Variants in PTPRG observed in about 807,000 individuals in gnomAD.
PTPRG encodes protein tyrosine phosphatase receptor type G, also known as receptor-type tyrosine-protein phosphatase gamma.
Under a neutral mutation model 165.3 loss-of-function variants are expected in PTPRG, and 102 were observed. That is an observed-to-expected ratio of 0.62 (90% CI 0.53 to 0.73). The LOEUF (loss-of-function observed/expected upper bound fraction) is 0.73, where lower values mean the gene tolerates loss of function less well. PTPRG is among the 30% of genes least tolerant of loss of function. The probability of loss-of-function intolerance (pLI) is 0.00; values close to 1 mark genes in which losing one functional copy is unlikely to be tolerated. For synonymous variants in PTPRG, 675 were observed against 669.5 expected (o/e 1.01, Z -0.13); for missense variants, 1,866 against 1,861.4 (o/e 1.00, Z -0.05).
chr3:61,917,477 T>A (rs781034067), intron 2 of PTPRG, among the ~76,000 whole-genome samples: 10 of 152,178 alleles, frequency 6.6e-5, no homozygotes, highest in Non-Finnish European at 1.3e-4. Flanking sequence ...CCTACCTTAG[T>A]GTGAGCCATG....
intron 16 of PTPRG, among the ~76,000 whole-genome samples, chr3:62,259,484 C>T (rs1559717663): frequency 2.0e-5 from 3 of 152,130 alleles, no homozygotes; most frequent in African/African-American, 4.8e-5. Flanking sequence ...CATCCTGGGC[C>T]GCCTGTGGCC....
intron 4 of PTPRG, among the ~76,000 whole-genome samples, chr3:62,030,554 C>T (rs574384711): frequency 6.6e-6 from 1 of 152,230 alleles, no homozygotes; most frequent in Non-Finnish European, 1.5e-5. Context: ...AAGGGAATTA[C>T]ACTTTTACTG....
At chr3:61,693,044 TATTA>T (rs1210261130) in intron 1 of PTPRG, among the ~76,000 whole-genome samples, 1 of 152,166 alleles carries the variant, frequency 6.6e-6, no homozygotes, top group African/African-American at 2.4e-5. Flanking sequence ...AGAACTTTAT[TATTA>T]ATTGGTTGCT....
At chr3:62,241,549 C>T (rs1283119749) in intron 14 of PTPRG, among the ~76,000 whole-genome samples, 1 of 152,082 alleles carries the variant, frequency 6.6e-6, no homozygotes, top group Non-Finnish European at 1.5e-5. Flanking sequence ...TGATTTGCTT[C>T]AGTACACACT....
At chr3:62,283,911 A>G (rs1317482979) in intron 28 of PTPRG, among the ~76,000 whole-genome samples, 1 of 152,154 alleles carries the variant, frequency 6.6e-6, no homozygotes. Context: ...TTTGAAAAGC[A>G]TTACAGTTGA....
intron 1 of PTPRG, among the ~76,000 whole-genome samples, chr3:61,688,529 G>A (rs1328386212): frequency 6.6e-6 from 1 of 152,198 alleles, no homozygotes; most frequent in Non-Finnish European, 1.5e-5. Flanking sequence ...CGGCGGGGAA[G>A]GCTCTTCGCA....
intron 2 of PTPRG, among the ~76,000 whole-genome samples, chr3:61,896,208 C>T (rs919209585): frequency 1.3e-5 from 2 of 152,138 alleles, no homozygotes; most frequent in Admixed American, 6.5e-5. Context: ...ACCACGCCTA[C>T]CTCCTCCCTC....
chr3:61,729,011 G>A (rs1266798091), intron 1 of PTPRG, among the ~76,000 whole-genome samples: 2 of 151,922 alleles, frequency 1.3e-5, no homozygotes, highest in Non-Finnish European at 2.9e-5. Flanking sequence ...GCAGTGGGCC[G>A]AGATTGCACC....
chr3:62,120,264 A>C lies in PTPRG; in HGVS notation c.616-12338A>C, dbSNP rs181692815. Among the ~76,000 whole-genome samples, 50 of 135,688 alleles carry C rather than the reference A, an allele frequency of 3.7e-4. No homozygotes were observed. In the East Asian group the frequency reaches 8.5e-3, roughly 23 times the overall value. 89.0% of individuals were successfully genotyped at this position (135,688 alleles called of 152,430 possible). On this transcript the variant is annotated intron_variant, in intron 5 of 29. Transcript: ENST00000474889. ...TTTAGGTACAAGATGGTGTTGATCC[A>C]GGATACGGTTAGACCAGAGGAACTG...
intron 8 of PTPRG, among the ~76,000 whole-genome samples, chr3:62,173,161 A>C (rs1705283124): frequency 6.6e-6 from 1 of 152,202 alleles, no homozygotes; most frequent in African/African-American, 2.4e-5. Flanking sequence ...TTATAATATT[A>C]ATACAATGTA....
chr3:61,738,262 A>T (rs1316582033), intron 1 of PTPRG, among the ~76,000 whole-genome samples: 10 of 78,020 alleles, frequency 1.3e-4, no homozygotes, highest in African/African-American at 6.5e-4. Flanking sequence ...CCATTTTTAT[A>T]TATATATATA....
At chr3:61,715,677 G>A (rs2031773060) in intron 1 of PTPRG, among the ~76,000 whole-genome samples, 1 of 152,108 alleles carries the variant, frequency 6.6e-6, no homozygotes, top group African/African-American at 2.4e-5. Flanking sequence ...TGCAGTGGAG[G>A]GGGCACAGAT....
intron 1 of PTPRG, among the ~76,000 whole-genome samples, chr3:61,616,695 GC>G (rs1701307608): frequency 6.6e-6 from 1 of 152,188 alleles, no homozygotes; most frequent in Non-Finnish European, 1.5e-5. Flanking sequence ...GTGGAGGGCA[GC>G]CCCATGGCAA....
chr3:62,225,518 GTT>G (rs572658241), intron 13 of PTPRG, among the ~76,000 whole-genome samples: 1 of 141,244 alleles, frequency 7.1e-6, no homozygotes, highest in Non-Finnish European at 1.6e-5. Flanking sequence ...TTTTAGTTTT[GTT>G]TTTTTTTTTT....
chr3:61,664,043 T>C (rs1702741580), intron 1 of PTPRG, among the ~76,000 whole-genome samples: 1 of 152,222 alleles, frequency 6.6e-6, no homozygotes, highest in South Asian at 2.1e-4. Context: ...ATTCTTGTTA[T>C]GATGGTCAGA....
At chr3:61,595,480 A>G (rs1163714275) in intron 1 of PTPRG, among the ~76,000 whole-genome samples, 3 of 152,240 alleles carry the variant, frequency 2.0e-5, no homozygotes, top group African/African-American at 7.2e-5. Flanking sequence ...AAGGGACTAG[A>G]TGTCAGAACT....
At chr3:62,055,350 C>T (rs1442818912) in intron 4 of PTPRG, among the ~76,000 whole-genome samples, 4 of 152,176 alleles carry the variant, frequency 2.6e-5, no homozygotes, top group Non-Finnish European at 5.9e-5. Context: ...AGGCTTAAAT[C>T]ATTGAGGCTG....
chr3:61,562,408 C>G, intron 1 of PTPRG, 36 bp downstream of exon 1: 2 of 1,602,594 alleles, frequency 1.2e-6, no homozygotes, highest in Non-Finnish European at 1.7e-6. Context: ...CGGCCCCGGC[C>G]GGCGCGCGTT....
intron 6 of PTPRG, among the ~76,000 whole-genome samples, chr3:62,150,279 A>G (rs1272110314): frequency 2.6e-5 from 4 of 152,238 alleles, no homozygotes; most frequent in Non-Finnish European, 5.9e-5. Flanking sequence ...GGGACAGCAA[A>G]GAGGCCAGTG....
Sources: allele counts gnomAD v4.1 joint callset (sites outside exome capture counted in the v4.1 genomes callset), GRCh38; gene constraint gnomAD v4.1.1; transcripts MANE v1.5; gene names NCBI Gene and HGNC (gene_info 2026-07-23, HGNC 2026-07-21).